The following FBN2 variants were observed in gnomAD, a reference collection of about 807,000 sequenced individuals.
The protein encoded by FBN2 is fibrillin-2.
FBN2 carries 105 observed loss-of-function variants against 355.6 expected under a neutral mutation model. That is an observed-to-expected ratio of 0.30 (90% CI 0.25 to 0.35). The LOEUF (loss-of-function observed/expected upper bound fraction) is 0.35. Among genes scored for constraint, FBN2 ranks in the 10% least tolerant of loss-of-function variants. The pLI is 1.00. For missense variants in FBN2, 3,280 were observed against 3,758.7 expected (o/e 0.87, Z 3.33); for synonymous variants, 1,350 against 1,301.2 (o/e 1.04, Z -0.81).
intron 34 of FBN2, 136 bp downstream of exon 34, chr5:128,328,560 C>G: frequency 1.1e-6 from 1 of 944,086 alleles, no homozygotes; most frequent in Non-Finnish European, 1.7e-6. Context: ...ATAATCCACG[C>G]TTAAACGAAT....
chr5:128,278,566 CT>C, intron 57 of FBN2, 68 bp downstream of exon 57: 4 of 1,441,804 alleles, frequency 2.8e-6, no homozygotes, highest in Non-Finnish European at 2.9e-6. Context: ...TTCACTTTTC[CT>C]TCACATTTAT....
intron 7 of FBN2, among the ~76,000 whole-genome samples, chr5:128,417,029 G>A (rs1419172267): frequency 2.0e-5 from 3 of 150,656 alleles, no homozygotes; most frequent in African/African-American, 5.0e-5. Context: ...AATTTCTTTC[G>A]TAAGTGTTTT....
chr5:128,270,386 G>A (rs1386071715), intron 62 of FBN2, among the ~76,000 whole-genome samples: 3 of 152,020 alleles, frequency 2.0e-5, no homozygotes, highest in Non-Finnish European at 4.4e-5. Context: ...AAAATGAGCC[G>A]GGCATGGTGG....
At chr5:128,493,321 T>C (rs1421762704) in intron 5 of FBN2, among the ~76,000 whole-genome samples, 1 of 152,128 alleles carries the variant, frequency 6.6e-6, no homozygotes. Flanking sequence ...AAAATCAGTT[T>C]ACTGTGGCTG....
rs906936904 is a variant in FBN2 at position 128,427,242 on chromosome 5, A to T, written c.953-18443T>A. On this transcript the variant is annotated intron_variant, in intron 7 of 64. Transcript: ENST00000262464. Reference sequence around the variant, plus strand: ...AAAGATAATCTTGAGTTCCTTCGAGAGAAAGTCCAGGCACATAGCTAGTCC... The same window carrying T: ...AAAGATAATCTTGAGTTCCTTCGAGTGAAAGTCCAGGCACATAGCTAGTCC... Among the ~76,000 whole-genome samples the T allele has an allele frequency of 2.0e-5, 3 of 152,286 alleles. No homozygotes were observed. In the East Asian group the frequency reaches 5.8e-4, roughly 29 times the overall value.
chr5:128,379,040 CT>C, intron 11 of FBN2, 150 bp from the exon 12 acceptor site: 1 of 874,998 alleles, frequency 1.1e-6, no homozygotes, highest in African/African-American at 1.7e-5. Context: ...GAAAATTCCT[CT>C]CTTCAAATAC....
chr5:128,305,995 T>A (rs1224774405), intron 42 of FBN2, 47 bp from the exon 43 acceptor site: 2 of 1,556,382 alleles, frequency 1.3e-6, no homozygotes, highest in African/African-American at 2.7e-5. Flanking sequence ...CTGTTTAATA[T>A]ACTTACCATA....
chr5:128,515,135 G>A (rs181580583), intron 5 of FBN2, among the ~76,000 whole-genome samples: 1 of 152,200 alleles, frequency 6.6e-6, no homozygotes, highest in East Asian at 1.9e-4. Flanking sequence ...TCAGAATTCA[G>A]GAAAATCCAA....
Position 128,309,227 on chromosome 5 carries a change from T to C in FBN2, c.5353+20A>G, listed in dbSNP as rs759401474. Reference sequence around the variant, plus strand: ...TATCACTGATGTGGCAGTCAGCAGATGCACGAGCCGTGTGCTTACCTGTTC... The same window carrying C: ...TATCACTGATGTGGCAGTCAGCAGACGCACGAGCCGTGTGCTTACCTGTTC... On this transcript the variant is annotated intron_variant, in intron 41 of 64. Transcript: ENST00000262464. 6.2e-6 allele frequency: 10 copies of C among 1,613,528 alleles called. No individual in the cohort carries two copies. The highest frequency in any genetic ancestry group is 7.6e-6 in the Non-Finnish European group (9 of 1,179,626).
At chr5:128,381,908 T>C (rs1484815904) in intron 11 of FBN2, among the ~76,000 whole-genome samples, 1 of 152,100 alleles carries the variant, frequency 6.6e-6, no homozygotes, top group Non-Finnish European at 1.5e-5. Flanking sequence ...TGTAGCCCTG[T>C]ACCTAGTTTA....
chr5:128,529,607 T>C (rs1296422085), intron 3 of FBN2, among the ~76,000 whole-genome samples: 1 of 152,172 alleles, frequency 6.6e-6, no homozygotes, highest in Non-Finnish European at 1.5e-5. Context: ...ATTAAGAAAC[T>C]GAATCTTAAA....
chr5:128,516,605 A>G (rs531742702), intron 5 of FBN2, among the ~76,000 whole-genome samples: 2 of 152,336 alleles, frequency 1.3e-5, no homozygotes, highest in Admixed American at 6.5e-5. Context: ...CAAAAGGCCA[A>G]TTTAAAGAGA....
chr5:128,397,464 T>C (rs575747086), intron 8 of FBN2, among the ~76,000 whole-genome samples: 4 of 152,182 alleles, frequency 2.6e-5, no homozygotes, highest in African/African-American at 7.2e-5. Flanking sequence ...AACAAAACCA[T>C]AGCCTTGAGT....
intron 5 of FBN2, among the ~76,000 whole-genome samples, chr5:128,471,573 G>T (rs139373587): frequency 0.017 from 2,568 of 152,096 alleles, 33 homozygotes; most frequent in Non-Finnish European, 0.026. Flanking sequence ...TATTTTAAGA[G>T]ATCTGTGCAA....
At chr5:128,421,499 T>G (rs1158668616) in intron 7 of FBN2, among the ~76,000 whole-genome samples, 1 of 152,174 alleles carries the variant, frequency 6.6e-6, no homozygotes, top group Non-Finnish European at 1.5e-5. Context: ...CTGGGAAAAT[T>G]AATGGCTTCA....
At chr5:128,512,194 A>T (rs1164866866) in intron 5 of FBN2, among the ~76,000 whole-genome samples, 2 of 152,102 alleles carry the variant, frequency 1.3e-5, no homozygotes, top group Non-Finnish European at 2.9e-5. Context: ...TCTCTCTCTC[A>T]CCCATTAGGA....
chr5:128,474,877 T>G (rs1158884378), intron 5 of FBN2, among the ~76,000 whole-genome samples: 2 of 152,218 alleles, frequency 1.3e-5, no homozygotes, highest in Non-Finnish European at 2.9e-5. Flanking sequence ...GGGTTGTCGT[T>G]ACTTGAGAAT....
At chr5:128,477,209 C>T (rs937597542) in intron 5 of FBN2, among the ~76,000 whole-genome samples, 2 of 152,140 alleles carry the variant, frequency 1.3e-5, no homozygotes, top group Non-Finnish European at 2.9e-5. Context: ...GTCAAGTGCT[C>T]AAGGGCCACA....
chr5:128,443,709 T>G (rs540857748), intron 7 of FBN2, among the ~76,000 whole-genome samples: 4 of 152,154 alleles, frequency 2.6e-5, no homozygotes, highest in Non-Finnish European at 4.4e-5. Context: ...TTAAAGAGAA[T>G]TTAATTGCTG....
Sources: gnomAD v4.1 joint callset for allele counts (sites outside exome capture counted in the v4.1 genomes callset) on GRCh38, gnomAD v4.1.1 for gene constraint, MANE v1.5 for transcripts, NCBI Gene and HGNC (gene_info 2026-07-23, HGNC 2026-07-21) for gene names.